TRIM61: variants seen among roughly 807,000 people sequenced by gnomAD.
The protein encoded by TRIM61 is putative tripartite motif-containing protein 61.
Under a neutral mutation model 14.2 loss-of-function variants are expected in TRIM61, and 1 was observed. The ratio of observed to expected loss-of-function variants is 0.07; its 90% CI spans 0.03 to 0.33. The LOEUF (loss-of-function observed/expected upper bound fraction) is 0.33, where lower values mean the gene tolerates loss of function less well. Ranked by LOEUF, TRIM61 falls within the 10% of genes least tolerant of loss-of-function variation. The pLI is 0.99. For missense variants in TRIM61, 19 were observed against 202.2 expected (o/e 0.09, Z 5.49); for synonymous variants, 8 against 71.6 (o/e 0.11, Z 4.49).
intron 3 of TRIM61, chr4:164,957,586 C>A: frequency 1.5e-6 from 2 of 1,322,516 alleles, no homozygotes; most frequent in South Asian, 1.5e-5. Context: ...AAAACTAAAC[C>A]AATCGTTATG....
Position 164,955,004 on chromosome 4 carries a change from G to A in TRIM61, c.618C>T (p.Ala206=), listed in dbSNP as rs1250134922. ...TAGTCCCAGCTACTCAGGAGCCAGA[G>A]GCAGAAGAATCGCTTGATCCCGGGA... Residue 206 remains alanine (A), a synonymous_variant, in exon 4 of 5, where the codon GCC becomes GCT. Transcript: ENST00000329314. 1 of 302,562 alleles carries A rather than the reference G, an allele frequency of 3.3e-6. No individual in the cohort carries two copies. The highest frequency in any genetic ancestry group is 2.3e-5 in the African/African-American group (1 of 44,132). The allele number at this position is 302,562 out of a possible 1,614,324, so 18.7% of individuals were successfully genotyped here.
intron 3 of TRIM61, chr4:164,955,135 A>C (rs995426129): frequency 5.2e-6 from 1 of 191,594 alleles, no homozygotes; most frequent in African/African-American, 2.4e-5. Context: ...ATGGTATTAT[A>C]GTAGTATACA....
chr4:164,962,037 A>G (rs1223071094), intron 3 of TRIM61, among the ~76,000 whole-genome samples: 2 of 152,154 alleles, frequency 1.3e-5, no homozygotes, highest in African/African-American at 4.8e-5. Flanking sequence ...AATGGCAAGC[A>G]TAGAAAAAGT....
At chr4:164,960,836 A>C (rs1732115386) in intron 3 of TRIM61, among the ~76,000 whole-genome samples, 1 of 152,012 alleles carries the variant, frequency 6.6e-6, no homozygotes, top group Non-Finnish European at 1.5e-5. Flanking sequence ...CTATAATACC[A>C]GCTATTTGGG....
intron 3 of TRIM61, chr4:164,969,251 T>C: frequency 1.4e-6 from 2 of 1,406,852 alleles, no homozygotes; most frequent in South Asian, 3.1e-5. Context: ...ATCCTTAACA[T>C]TTGCCAGTAA....
intron 3 of TRIM61, chr4:164,968,283 C>CA (rs200711817): frequency 0.27 from 257,214 of 955,248 alleles, 33,292 homozygotes; most frequent in Admixed American, 0.35. Flanking sequence ...ATAAGAAATA[C>CA]AGAAAAAAAT....
chr4:164,955,277 T>C (rs1731958116), intron 3 of TRIM61, among the ~76,000 whole-genome samples: 1 of 152,156 alleles, frequency 6.6e-6, no homozygotes, highest in Non-Finnish European at 1.5e-5. Flanking sequence ...TTGCCCTAAT[T>C]ACATCTAATT....
At chr4:164,962,113 T>C (rs1315258204) in intron 3 of TRIM61, among the ~76,000 whole-genome samples, 1 of 152,132 alleles carries the variant, frequency 6.6e-6, no homozygotes, top group Non-Finnish European at 1.5e-5. Flanking sequence ...GGTGAAACAC[T>C]GTTTTGCAGT....
intron 3 of TRIM61, among the ~76,000 whole-genome samples, chr4:164,965,736 A>C (rs1257766519): frequency 6.6e-6 from 1 of 152,140 alleles, no homozygotes; most frequent in Non-Finnish European, 1.5e-5. Flanking sequence ...CCCGGCCTTA[A>C]TGTATTTCAT....
chr4:164,961,218 A>T (rs1732131584), intron 3 of TRIM61, among the ~76,000 whole-genome samples: 1 of 135,956 alleles, frequency 7.4e-6, no homozygotes, highest in Non-Finnish European at 1.6e-5. Context: ...AATAATTGAT[A>T]TGTTAAAGGC....
At chr4:164,970,788 A>G (rs1732347741) in intron 2 of TRIM61, among the ~76,000 whole-genome samples, 1 of 152,158 alleles carries the variant, frequency 6.6e-6, no homozygotes, top group Non-Finnish European at 1.5e-5. Context: ...TGAAATCAAA[A>G]CAAAACAAAA....
chr4:164,968,019 G>C (rs975194776), intron 3 of TRIM61: 1 of 257,706 alleles, frequency 3.9e-6, no homozygotes, highest in Non-Finnish European at 6.1e-6. Context: ...GGGTGTGGTG[G>C]TACACACCTG....
intron 3 of TRIM61, chr4:164,968,762 C>T: frequency 1.0e-6 from 1 of 979,362 alleles, no homozygotes; most frequent in Non-Finnish European, 1.2e-6. Context: ...GCCAATCTTA[C>T]TAGGAATTAC....
chr4:164,965,574 C>T lies in TRIM61; in HGVS notation c.525+3904G>A, dbSNP rs531291422. 2.0e-5 allele frequency among the ~76,000 whole-genome samples: 3 copies of T among 151,094 alleles called. No individual in the cohort carries two copies. In the South Asian group the frequency reaches 6.3e-4, roughly 32 times the overall value. ...TCAGCCTCCCGAGTAGCTGGGACTA[C>T]AGGTGCATGCCACCAAGCCTGGCTA... On this transcript the variant is annotated intron_variant, in intron 3 of 4. Coordinates refer to ENST00000329314, the MANE Select transcript of TRIM61 (RefSeq NM_001012414.3).
chr4:164,961,949 A>C (rs1455103062), intron 3 of TRIM61, among the ~76,000 whole-genome samples: 1 of 152,230 alleles, frequency 6.6e-6, no homozygotes, highest in East Asian at 1.9e-4. Context: ...TGTAAGCTAC[A>C]TAGTACAGCT....
At chr4:164,957,469 G>A (rs767479404) in intron 3 of TRIM61, 25 of 1,613,400 alleles carry the variant, frequency 1.5e-5, no homozygotes, top group African/African-American at 4.0e-5. Context: ...CAGTGGGCTG[G>A]CTCCCGCTGG....
At chr4:164,974,348 T>A (rs761671510) in intron 2 of TRIM61, among the ~76,000 whole-genome samples, 5 of 152,184 alleles carry the variant, frequency 3.3e-5, no homozygotes, top group Admixed American at 2.0e-4. Flanking sequence ...TTAAAATACA[T>A]CCTTTATTTT....
chr4:164,955,541 C>G (rs1301565349), intron 3 of TRIM61, among the ~76,000 whole-genome samples: 2 of 141,910 alleles, frequency 1.4e-5, no homozygotes, highest in African/African-American at 2.7e-5. Flanking sequence ...TGCAGTCCAG[C>G]CTGGGTGACT....
intron 3 of TRIM61, among the ~76,000 whole-genome samples, chr4:164,960,827 T>C (rs974769049): frequency 1.3e-5 from 2 of 151,798 alleles, no homozygotes; most frequent in Admixed American, 6.6e-5. Flanking sequence ...GACACATGCC[T>C]ATAATACCAG....
Sources: gnomAD v4.1 joint callset for allele counts (sites outside exome capture counted in the v4.1 genomes callset) on GRCh38, gnomAD v4.1.1 for gene constraint, MANE v1.5 for transcripts, NCBI Gene and HGNC (gene_info 2026-07-23, HGNC 2026-07-21) for gene names.